ATP11A: variants seen among roughly 807,000 people sequenced by gnomAD.
ATP11A encodes ATPase phospholipid transporting 11A.
Under a neutral mutation model 154.4 loss-of-function variants are expected in ATP11A, and 81 were observed. That is an observed-to-expected ratio of 0.52 (90% CI 0.44 to 0.63). The LOEUF (loss-of-function observed/expected upper bound fraction) is 0.63. ATP11A is among the 30% of genes least tolerant of loss of function. The pLI, the probability that ATP11A is intolerant of heterozygous loss-of-function variation, is 0.00. For missense variants in ATP11A, 1,316 were observed against 1,474.3 expected (o/e 0.89, Z 1.76); for synonymous variants, 623 against 585.9 (o/e 1.06, Z -0.91).
At chr13:112,733,316 A>ACTCACAGGATCCTGCTGTGCAGATG (rs1890684695) in intron 1 of ATP11A, among the ~76,000 whole-genome samples, 1 of 152,222 alleles carries the variant, frequency 6.6e-6, no homozygotes, top group African/African-American at 2.4e-5. Context: ...CATGCAGGGC[A>ACTCACAGGATCCTGCTGTGCAGATG]CTCACAGGAT....
rs1480330261 is a variant in ATP11A at position 112,696,453 on chromosome 13, C to A, written c.39+5998C>A. Among the ~76,000 whole-genome samples the A allele has an allele frequency of 6.6e-6, 1 of 152,074 alleles. No homozygotes were observed. The highest frequency in any genetic ancestry group is 2.4e-5 in the African/African-American group (1 of 41,416). ...TGCCTCCTCCGGTTGGAGCGAGTGA[C>A]CCGTTCTGCCGAAGTCCAGTCCCGT... On this transcript the variant is annotated intron_variant, in intron 1 of 29. Coordinates refer to ENST00000375645, the MANE Select transcript of ATP11A (RefSeq NM_015205.3). The surrounding 1 kb of genome is among the most constrained non-coding windows in gnomAD (Gnocchi z 6.2).
rs554935898 is a variant in ATP11A at position 112,859,155 on chromosome 13, C to G, written c.2668-238C>G. ...ATACCTGCATTGCCTTCTTGTTTCT[C>G]TTGGAGCTGACAAATTTCCTCTATA... On this transcript the variant is annotated intron_variant, in intron 22 of 29. Coordinates refer to ENST00000375645, the MANE Select transcript of ATP11A (RefSeq NM_015205.3). This position sits in a 1 kb window ranked among gnomAD's most constrained non-coding sequence, Gnocchi z 4.3. The G allele has an allele frequency of 1.9e-6, 1 of 533,022 alleles. No individual in the cohort carries two copies. 33.0% of individuals were successfully genotyped at this position (533,022 alleles called of 1,614,324 possible). A position where few individuals can be genotyped will look rare whatever the true frequency, so the allele number is the denominator to read the frequency against.
chr13:112,877,532 GT>G (rs2080765723), intron 28 of ATP11A, among the ~76,000 whole-genome samples: 1 of 152,254 alleles, frequency 6.6e-6, no homozygotes, highest in Admixed American at 6.5e-5. Context: ...AGGGCTGGGG[GT>G]CTGACCCCGA....
intron 12 of ATP11A, among the ~76,000 whole-genome samples, chr13:112,827,980 C>T (rs967429270): frequency 3.3e-5 from 5 of 152,280 alleles, no homozygotes; most frequent in Admixed American, 1.3e-4. Context: ...TAGGAATATT[C>T]TATCTCCTTT....
intron 1 of ATP11A, among the ~76,000 whole-genome samples, chr13:112,759,118 C>T (rs1448301164): frequency 6.6e-6 from 1 of 152,232 alleles, no homozygotes; most frequent in Non-Finnish European, 1.5e-5. Flanking sequence ...CCTGTCCCCT[C>T]TTATCCTTGG....
intron 1 of ATP11A, among the ~76,000 whole-genome samples, chr13:112,776,717 C>T (rs1274191564): frequency 6.6e-6 from 1 of 152,180 alleles, no homozygotes; most frequent in East Asian, 1.9e-4. Flanking sequence ...TTGCCTCAGC[C>T]CCCCAAGTAG....
intron 25 of ATP11A, among the ~76,000 whole-genome samples, chr13:112,867,683 C>T (rs1197211649): frequency 2.6e-5 from 4 of 152,216 alleles, no homozygotes; most frequent in African/African-American, 4.8e-5. Flanking sequence ...TGGTCTCTTC[C>T]GGCTGTACCC....
chr13:112,851,131 T>G lies in ATP11A; in HGVS notation c.1904T>G (p.Leu635Arg), dbSNP rs1411428470. The change falls in exon 18 of 30, where the codon CTT becomes CGT. Residue 635 changes from leucine to arginine, a missense_variant. Coordinates refer to ENST00000375645, the MANE Select transcript of ATP11A (RefSeq NM_015205.3). ...CKLLQAAKVA[L>R]QDREKKLAEA... Reference sequence around the variant, plus strand: ...CTGCTGCAGGCTGCCAAAGTGGCCCTTCAAGATCGAGAGAAAAAGTTAGCA... The same window carrying G: ...CTGCTGCAGGCTGCCAAAGTGGCCCGTCAAGATCGAGAGAAAAAGTTAGCA... 2 of 1,614,110 alleles carry G rather than the reference T, an allele frequency of 1.2e-6. No individual in the cohort carries two copies. The highest frequency in any genetic ancestry group is 2.7e-5 in the African/African-American group (2 of 74,946).
chr13:112,821,557 C>T (rs1015932797), intron 8 of ATP11A, among the ~76,000 whole-genome samples: 1 of 152,186 alleles, frequency 6.6e-6, no homozygotes. Context: ...GTGATTCACC[C>T]ACCTCGGCCT....
chr13:112,773,059 G>A (rs1456890055), intron 1 of ATP11A, among the ~76,000 whole-genome samples: 1 of 152,146 alleles, frequency 6.6e-6, no homozygotes, highest in Non-Finnish European at 1.5e-5. Context: ...CTCTGTCTGG[G>A]AGGGACTCAG....
intron 5 of ATP11A, among the ~76,000 whole-genome samples, chr13:112,812,718 A>G (rs2078535380): frequency 6.6e-6 from 1 of 152,234 alleles, no homozygotes; most frequent in Non-Finnish European, 1.5e-5. Flanking sequence ...AAACATTTTC[A>G]CTTATAAACG....
rs534213264 is a variant in ATP11A, at chr13:112,831,182, C to T, written c.1222-193C>T. On this transcript the variant is annotated intron_variant, in intron 12 of 29. Coordinates refer to ENST00000375645, the MANE Select transcript of ATP11A (RefSeq NM_015205.3). ...GCCAGGACTGCAGGGTCCTGTTGGA[C>T]GCTGGGAAGGAGGATGAGGCAGGAG... Among the ~76,000 whole-genome samples the T allele has an allele frequency of 2.0e-4, 31 of 152,264 alleles. No homozygotes were observed. In the South Asian group the frequency reaches 5.0e-3, roughly 24 times the overall value.
rs756430714 is a variant in ATP11A, at chr13:112,836,280, A to G, written c.1705+29A>G. On this transcript the variant is annotated intron_variant, in intron 16 of 29. Coordinates refer to ENST00000375645, the MANE Select transcript of ATP11A (RefSeq NM_015205.3). ...AAATTTCTTTTTCTTTTGATTTATT[A>G]AGTTATACGTGGTGGTTGTGTTTTA... The G allele has an allele frequency of 4.2e-6, 6 of 1,421,370 alleles. No individual in the cohort carries two copies. In the South Asian group the frequency reaches 7.0e-5, roughly 17 times the overall value. The allele number at this position is 1,421,370 out of a possible 1,614,324, so 88.0% of individuals were successfully genotyped here. A position where few individuals can be genotyped will look rare whatever the true frequency, so the allele number is the denominator to read the frequency against.
At chr13:112,765,292 G>A (rs942816663) in intron 1 of ATP11A, among the ~76,000 whole-genome samples, 12 of 152,116 alleles carry the variant, frequency 7.9e-5, no homozygotes, top group Admixed American at 2.6e-4. Context: ...TTGTTCTGAC[G>A]GCCAGGCCCA....
chr13:112,712,402 T>TGAAG (rs1887864218), intron 1 of ATP11A, among the ~76,000 whole-genome samples: 10 of 152,196 alleles, frequency 6.6e-5, no homozygotes, highest in Admixed American at 5.9e-4. Context: ...CTCAAAGCCC[T>TGAAG]ACCTGGATGT....
chr13:112,837,469 CTCT>C (rs1360950444), intron 16 of ATP11A, among the ~76,000 whole-genome samples: 2 of 152,244 alleles, frequency 1.3e-5, no homozygotes, highest in Non-Finnish European at 2.9e-5. Context: ...AGAACCGATG[CTCT>C]TCTCAGCAAC....
intron 1 of ATP11A, among the ~76,000 whole-genome samples, chr13:112,702,655 G>A (rs566526785): frequency 2.6e-5 from 4 of 152,364 alleles, no homozygotes; most frequent in African/African-American, 7.2e-5. Flanking sequence ...GGCTTTCTTC[G>A]TTCTGCTGAT....
At chr13:112,847,620 C>G (rs2079646135) in intron 17 of ATP11A, among the ~76,000 whole-genome samples, 1 of 152,224 alleles carries the variant, frequency 6.6e-6, no homozygotes, top group South Asian at 2.1e-4. Context: ...TTCTCTATGT[C>G]TGTCTTTATC....
chr13:112,764,223 G>A (rs1256528339), intron 1 of ATP11A, among the ~76,000 whole-genome samples: 2 of 152,114 alleles, frequency 1.3e-5, no homozygotes. Flanking sequence ...CTGCATTCAC[G>A]GTGACATCGC....
Sources: allele counts gnomAD v4.1 joint callset (sites outside exome capture counted in the v4.1 genomes callset), GRCh38; gene constraint gnomAD v4.1.1; non-coding constraint Gnocchi (gnomAD v3.1); transcripts MANE v1.5; gene names NCBI Gene and HGNC (gene_info 2026-07-23, HGNC 2026-07-21).